LYPLAL1: variants seen among roughly 807,000 people sequenced by gnomAD.
LYPLAL1 encodes lysophospholipase-like protein 1.
A neutral mutation model predicts 19.7 loss-of-function variants in LYPLAL1; 23 were observed. That is an observed-to-expected ratio of 1.17 (90% confidence interval 0.84 to 1.65). The LOEUF (loss-of-function observed/expected upper bound fraction) is 1.65. Among genes scored for constraint, LYPLAL1 ranks in the 40% most tolerant of loss-of-function variants. The pLI, the probability that LYPLAL1 is intolerant of heterozygous loss-of-function variation, is 0.00. For missense variants in LYPLAL1, 355 were observed against 279.4 expected, an observed-to-expected ratio of 1.27 and a Z score of -1.93; for synonymous variants, 119 against 96.3, an observed-to-expected ratio of 1.24 and a Z score of -1.38.
At chr1:219,227,183 C>T in the LYPLAL1 span, among the ~76,000 whole-genome samples, 3 of 152,122 alleles carry the variant, frequency 2.0e-5, no homozygotes, top group South Asian at 2.1e-4. Context: ...TGGTAAGCAA[C>T]GCAGACGAAA....
chr1:219,400,475 C>A, the LYPLAL1 span, among the ~76,000 whole-genome samples: 1 of 150,928 alleles, frequency 6.6e-6, no homozygotes, highest in Non-Finnish European at 1.5e-5. Flanking sequence ...TGTGCCCTAT[C>A]TATCTATCTA....
At chr1:219,204,827 CGTT>C (rs756319795) in intron 3 of LYPLAL1, among the ~76,000 whole-genome samples, 4 of 151,872 alleles carry the variant, frequency 2.6e-5, no homozygotes, top group Non-Finnish European at 4.4e-5. Flanking sequence ...GGTGATAATT[CGTT>C]GTTAAGAGAG....
chr1:219,245,369 G>A, the LYPLAL1 span, among the ~76,000 whole-genome samples: 3 of 152,110 alleles, frequency 2.0e-5, no homozygotes, highest in East Asian at 1.9e-4. Context: ...TGAGTACCTC[G>A]GGATGTTTTA....
At chr1:219,419,613 A>AGT in the LYPLAL1 span, among the ~76,000 whole-genome samples, 12 of 150,686 alleles carry the variant, frequency 8.0e-5, no homozygotes, top group African/African-American at 2.7e-4. Context: ...AGAGAGAGAG[A>AGT]CAAATGTGCT....
At chr1:219,397,704 T>C in the LYPLAL1 span, among the ~76,000 whole-genome samples, 1 of 152,218 alleles carries the variant, frequency 6.6e-6, no homozygotes, top group African/African-American at 2.4e-5. Flanking sequence ...ATCTTTCCTT[T>C]CTATATTTAG....
chr1:219,322,075 T>A, the LYPLAL1 span, among the ~76,000 whole-genome samples: 43 of 152,316 alleles, frequency 2.8e-4, 2 homozygotes, highest in East Asian at 7.7e-3. Context: ...TTAGAAATAT[T>A]TGTGAAGAAG....
chr1:219,175,768 A>G (rs1012852625), intron 1 of LYPLAL1, among the ~76,000 whole-genome samples: 3 of 152,216 alleles, frequency 2.0e-5, no homozygotes, highest in Non-Finnish European at 2.9e-5. Context: ...GTAGGTCTTT[A>G]TCATCCAGTA....
chr1:219,192,965 A>G lies in LYPLAL1; in HGVS notation c.192-117A>G, dbSNP rs12023395. ...GTTTTAATATGCATTTAACTTATAA[A>G]ACTTAGAAGAAATTGAAATCATTTA... On this transcript the variant is annotated intron_variant, in intron 2 of 4. Transcript: ENST00000366928. 4.4e-3 allele frequency: 4,778 copies of G among 1,079,192 alleles called. 126 individuals carry two copies. In the East Asian group the frequency reaches 0.064, roughly 14 times the overall value. 66.9% of individuals were successfully genotyped at this position (1,079,192 alleles called of 1,614,324 possible). A position where few individuals can be genotyped will look rare whatever the true frequency, so the allele number is the denominator to read the frequency against.
chr1:219,346,138 G>T, the LYPLAL1 span, among the ~76,000 whole-genome samples: 2 of 152,184 alleles, frequency 1.3e-5, no homozygotes, highest in African/African-American at 4.8e-5. Flanking sequence ...TGCCAGGGAA[G>T]AAGGCTTTAT....
chr1:219,424,704 C>T, the LYPLAL1 span, among the ~76,000 whole-genome samples: 1 of 152,136 alleles, frequency 6.6e-6, no homozygotes, highest in Non-Finnish European at 1.5e-5. Flanking sequence ...GCCCTTTCTT[C>T]CTGCTTTGTC....
At chr1:219,440,868 TCAATCA>T in the LYPLAL1 span, among the ~76,000 whole-genome samples, 1 of 152,196 alleles carries the variant, frequency 6.6e-6, no homozygotes, top group Non-Finnish European at 1.5e-5. Context: ...ATAGTAGTCA[TCAATCA>T]CTGCTGACTT....
chr1:219,253,969 G>C, the LYPLAL1 span, among the ~76,000 whole-genome samples: 1 of 152,036 alleles, frequency 6.6e-6, no homozygotes, highest in East Asian at 1.9e-4. Context: ...CCTATGTTGG[G>C]TGCATATATA....
At chr1:219,198,396 CTA>C (rs1657788815) in intron 3 of LYPLAL1, 1 of 151,742 alleles carries the variant, frequency 6.6e-6, no homozygotes, top group African/African-American at 2.4e-5. Flanking sequence ...GATATAAAAA[CTA>C]TCAGAAATGT....
the LYPLAL1 span, among the ~76,000 whole-genome samples, chr1:219,310,886 A>G: frequency 3.3e-5 from 5 of 152,354 alleles, no homozygotes; most frequent in African/African-American, 4.8e-5. Flanking sequence ...GTAGCCTCCA[A>G]TTCCTTGGTA....
At chr1:219,245,772 G>A in the LYPLAL1 span, among the ~76,000 whole-genome samples, 1 of 152,120 alleles carries the variant, frequency 6.6e-6, no homozygotes, top group African/African-American at 2.4e-5. Context: ...ATTTGAAGTA[G>A]GAAATAAGAG....
the LYPLAL1 span, among the ~76,000 whole-genome samples, chr1:219,263,182 G>A: frequency 2.8e-4 from 42 of 152,276 alleles, 1 homozygote; most frequent in South Asian, 8.7e-3. Flanking sequence ...CCACTGTGGG[G>A]TATGGGGAGG....
At chr1:219,387,895 AAAAATGACCTAGATTCGGTTCT>A in the LYPLAL1 span, among the ~76,000 whole-genome samples, 1 of 152,192 alleles carries the variant, frequency 6.6e-6, no homozygotes, top group South Asian at 2.1e-4. Flanking sequence ...TTTACAGTTG[AAAAATGACCTAGATTCGGTTCT>A]AATTCACACA....
At chr1:219,182,933 C>G (rs1656417244) in intron 2 of LYPLAL1, among the ~76,000 whole-genome samples, 1 of 151,874 alleles carries the variant, frequency 6.6e-6, no homozygotes, top group African/African-American at 2.4e-5. Context: ...GTGGCTTTAC[C>G]CAAGCCAGTA....
chr1:219,219,029 G>A, the LYPLAL1 span, among the ~76,000 whole-genome samples: 1 of 152,216 alleles, frequency 6.6e-6, no homozygotes, highest in African/African-American at 2.4e-5. Context: ...GGATGTATGA[G>A]CAAGTACACG....
Sources: gnomAD v4.1 joint callset for allele counts (sites outside exome capture counted in the v4.1 genomes callset) on GRCh38, gnomAD v4.1.1 for gene constraint, MANE v1.5 for transcripts, NCBI Gene and HGNC (gene_info 2026-07-23, HGNC 2026-07-21) for gene names.